The following ATG2B variants were observed in gnomAD, a reference collection of about 807,000 sequenced individuals.
ATG2B encodes the protein autophagy related 2B.
ATG2B carries 121 observed loss-of-function variants against 241.3 expected under a neutral mutation model. The ratio of observed to expected loss-of-function variants is 0.50; its 90% confidence interval spans 0.43 to 0.58. ATG2B has a LOEUF of 0.58. Among genes scored for constraint, ATG2B ranks in the 20% least tolerant of loss-of-function variants. ATG2B has a pLI of 0.00. For missense variants in ATG2B, 2,306 were observed against 2,491.6 expected, an observed-to-expected ratio of 0.93 and a Z score of 1.59; for synonymous variants, 858 against 876.6, an observed-to-expected ratio of 0.98 and a Z score of 0.37.
chr14:96,328,974 C>A (rs768242551), intron 12 of ATG2B, among the ~76,000 whole-genome samples: 10 of 152,238 alleles, frequency 6.6e-5, no homozygotes, highest in Non-Finnish European at 1.2e-4. Flanking sequence ...CAAATAAATT[C>A]ATTTCCAAGA....
At chr14:96,313,266 A>G in intron 24 of ATG2B, 63 bp downstream of exon 24, 10 of 1,407,380 alleles carry the variant, frequency 7.1e-6, no homozygotes, top group Non-Finnish European at 6.9e-6. Context: ...TGAATTATGT[A>G]TTTTTTTCAA....
chr14:96,328,287 TC>T, intron 14 of ATG2B, 59 bp downstream of exon 14: 1 of 1,172,384 alleles, frequency 8.5e-7, no homozygotes, highest in Non-Finnish European at 1.2e-6. Flanking sequence ...AGAAATTATC[TC>T]AATAACCCTA....
chr14:96,286,127 A>G, intron 41 of ATG2B, 142 bp from the exon 42 acceptor site: 2 of 606,968 alleles, frequency 3.3e-6, no homozygotes, highest in Middle Eastern at 4.1e-4. Flanking sequence ...CCATGCTTTT[A>G]GATAAACCAG....
At chr14:96,292,658 T>C (rs1310263076) in intron 36 of ATG2B, among the ~76,000 whole-genome samples, 1 of 152,198 alleles carries the variant, frequency 6.6e-6, no homozygotes, top group East Asian at 1.9e-4. Flanking sequence ...CTGCTCAGTC[T>C]TCAGAAATTG....
Position 96,289,296 on chromosome 14 carries a change from A to AT in ATG2B, c.6006+359dup, listed in dbSNP as rs1453328979. 6.6e-6 allele frequency among the ~76,000 whole-genome samples: 1 copy of AT among 152,188 alleles called. No homozygotes were observed. The highest frequency in any genetic ancestry group is 1.5e-5 in the Non-Finnish European group (1 of 68,030). On this transcript the variant is annotated intron_variant, in intron 41 of 41. Transcript: ENST00000359933. This position sits in a 1 kb window ranked among gnomAD's most constrained non-coding sequence, Gnocchi z 4.3. ...CATGGGAATAGGATCAGGGTGGGAGATTCATCTGAAAAGTTCTAGTTCTTA... is the reference window on the plus strand; with the variant it reads ...CATGGGAATAGGATCAGGGTGGGAGATTTCATCTGAAAAGTTCTAGTTCTTA...
Position 96,335,771 on chromosome 14 carries a change from C to A in ATG2B, c.925-1270G>T, listed in dbSNP as rs140489953. Among the ~76,000 whole-genome samples the A allele has an allele frequency of 4.4e-3, 674 of 152,218 alleles. 26 individuals carry two copies. In the South Asian group the frequency reaches 0.067, roughly 15 times the overall value. On this transcript the variant is annotated intron_variant, in intron 6 of 41. Transcript: ENST00000359933. ...GAGAAAATGTGTTTCTAACTACATG[C>A]CAAATTTAAAAATTGTTTTATAATT...
intron 11 of ATG2B, 133 bp from the exon 12 acceptor site, chr14:96,329,767 C>T: frequency 1.8e-6 from 1 of 564,502 alleles, no homozygotes; most frequent in South Asian, 3.4e-5. Context: ...TTCAAATTTC[C>T]CTTTCCTTAA....
intron 18 of ATG2B, 101 bp downstream of exon 18, chr14:96,322,011 A>C: frequency 1.2e-6 from 1 of 828,044 alleles, no homozygotes. Flanking sequence ...CAGAGATGGC[A>C]TATAATATTC....
At position 96,305,991 on chromosome 14, in the gene ATG2B, T is replaced by C. The variant is rs567221787; in HGVS notation, c.4507-176A>G. On this transcript the variant is annotated intron_variant, in intron 30 of 41. Transcript: ENST00000359933. ...CAAAGATATTCTGCTTTATTAACCA[T>C]AAAATAAACTCTCTTTGTTCTACGT... Among the ~76,000 whole-genome samples, 9 of 152,344 alleles carry C rather than the reference T, an allele frequency of 5.9e-5. No individual in the cohort carries two copies. The East Asian group carries it at 1.5e-3, about 26-fold the overall frequency.
In ATG2B at chr14:96,331,412, G is replaced by A. The variant is rs1887728020; in HGVS notation, c.1694C>T (p.Ala565Val). Reference protein sequence around the residue: ...FSTEDFKSFRAVFAEACSHDH... With the variant: ...FSTEDFKSFRVVFAEACSHDH... Reference sequence around the variant, plus strand: ...GTGTGAGCAAGCTTCTGCAAACACTGCTCGGAAAGACTTAAAATCTTCTGT... The same window carrying A: ...GTGTGAGCAAGCTTCTGCAAACACTACTCGGAAAGACTTAAAATCTTCTGT... The change falls in exon 11 of 42, where the codon GCA becomes GTA. Residue 565 changes from alanine to valine, a missense_variant. By Grantham distance (64) the Ala-to-Val change is moderately conservative (BLOSUM62 0). Transcript: ENST00000359933. The A allele has an allele frequency of 1.9e-6, 3 of 1,614,002 alleles. No homozygotes were observed. The highest frequency in any genetic ancestry group is 2.5e-6 in the Non-Finnish European group (3 of 1,179,956).
intron 1 of ATG2B, among the ~76,000 whole-genome samples, chr14:96,350,676 C>A (rs1384448531): frequency 6.6e-6 from 1 of 152,198 alleles, no homozygotes; most frequent in Non-Finnish European, 1.5e-5. Flanking sequence ...TAGTATAATT[C>A]TTTGTCTGTA....
chr14:96,337,385 T>A (rs908805429), intron 6 of ATG2B, among the ~76,000 whole-genome samples: 1 of 152,180 alleles, frequency 6.6e-6, no homozygotes, highest in African/African-American at 2.4e-5. Flanking sequence ...TCCATAAGAC[T>A]GATCAATATG....
Position 96,290,154 on chromosome 14 carries a change from G to T in ATG2B, c.5856+282C>A. 1 of 1,249,582 alleles carries T rather than the reference G, an allele frequency of 8.0e-7. No homozygotes were observed. Among genetic ancestry groups the T allele is most frequent in the East Asian group, 3.7e-5 (1 of 27,182 alleles). The allele number at this position is 1,249,582 out of a possible 1,614,324, so 77.4% of individuals were successfully genotyped here. A position where few individuals can be genotyped will look rare whatever the true frequency, so the allele number is the denominator to read the frequency against. The stretch of plus-strand genomic sequence containing the variant: ...CAACGCCTTCTTCAAATTTAGCTAC[G>T]ATCCTTTCATACAAATATGGTGAAA... On this transcript the variant is annotated intron_variant, in intron 40 of 41. Coordinates refer to ENST00000359933, the MANE Select transcript of ATG2B (RefSeq NM_018036.7). The surrounding 1 kb of genome is among the most constrained non-coding windows in gnomAD (Gnocchi z 4.4).
At chr14:96,359,674 G>C (rs1395906673) in intron 1 of ATG2B, among the ~76,000 whole-genome samples, 1 of 152,072 alleles carries the variant, frequency 6.6e-6, no homozygotes, top group East Asian at 1.9e-4. Context: ...CACTTCTAGG[G>C]ACAAGGAGTT....
chr14:96,355,393 C>T (rs748635342), intron 1 of ATG2B, among the ~76,000 whole-genome samples: 6 of 152,072 alleles, frequency 3.9e-5, no homozygotes, highest in Admixed American at 2.0e-4. Flanking sequence ...GAATCCTTTC[C>T]GCATTGCTTG....
chr14:96,362,303 C>G (rs185358001), intron 1 of ATG2B, among the ~76,000 whole-genome samples: 1 of 152,092 alleles, frequency 6.6e-6, no homozygotes, highest in African/African-American at 2.4e-5. Flanking sequence ...GCACAAGAGG[C>G]CTTCACCTAA....
chr14:96,358,397 T>C lies in ATG2B; in HGVS notation c.162+4418A>G, dbSNP rs540205286. On this transcript the variant is annotated intron_variant, in intron 1 of 41. Transcript: ENST00000359933. ...GGCTGCAGTGAGCTGATCACACCACTGTACTCCAGCCTAGGTAACAGAGAC... is the reference window on the plus strand; with the variant it reads ...GGCTGCAGTGAGCTGATCACACCACCGTACTCCAGCCTAGGTAACAGAGAC... Among the ~76,000 whole-genome samples the C allele has an allele frequency of 3.9e-5, 6 of 152,106 alleles. No individual in the cohort carries two copies. In the South Asian group the frequency reaches 1.2e-3, roughly 32 times the overall value.
chr14:96,317,640 T>C (rs1887350054), intron 19 of ATG2B, 58 bp downstream of exon 19: 2 of 1,380,558 alleles, frequency 1.4e-6, no homozygotes, highest in Admixed American at 2.0e-5. Flanking sequence ...CAAAGGTTAG[T>C]ACTTTGTTAA....
chr14:96,322,450 A>T, intron 17 of ATG2B, 90 bp downstream of exon 17: 1 of 1,394,516 alleles, frequency 7.2e-7, no homozygotes, highest in Non-Finnish European at 9.6e-7. Flanking sequence ...ACAGTACACA[A>T]GGCATTTTTT....
Sources: allele counts gnomAD v4.1 joint callset (sites outside exome capture counted in the v4.1 genomes callset), GRCh38; gene constraint gnomAD v4.1.1; non-coding constraint Gnocchi (gnomAD v3.1); transcripts MANE v1.5; gene names NCBI Gene and HGNC (gene_info 2026-07-23, HGNC 2026-07-21).